The following IFNGR1 variants were observed in gnomAD, a reference collection of about 807,000 sequenced individuals.
IFNGR1 encodes the protein interferon gamma receptor 1, also known as AVP, type 2.
IFNGR1 carries 23 observed loss-of-function variants against 35.4 expected under a neutral mutation model. The observed-to-expected ratio is 0.65, with a 90% CI of 0.47 to 0.92. The LOEUF (loss-of-function observed/expected upper bound fraction) is 0.92, where lower values mean the gene tolerates loss of function less well. IFNGR1 is among the 40% of genes least tolerant of loss of function. The pLI, the probability that IFNGR1 is intolerant of heterozygous loss-of-function variation, is 0.00. For missense variants in IFNGR1, 533 were observed against 583.4 expected, an observed-to-expected ratio of 0.91 and a Z score of 0.89; for synonymous variants, 199 against 209.5, an observed-to-expected ratio of 0.95 and a Z score of 0.43.
At position 137,217,526 on chromosome 6, in the gene IFNGR1, T is replaced by A. The variant is rs190154215; in HGVS notation, c.85+1717A>T. Among the ~76,000 whole-genome samples the A allele has an allele frequency of 3.9e-5, 6 of 152,258 alleles. No individual in the cohort carries two copies. The East Asian group carries it at 1.2e-3, about 29-fold the overall frequency. On this transcript the variant is annotated intron_variant, in intron 1 of 6. Transcript: ENST00000367739. Reference sequence around the variant, plus strand: ...GCCTTTCCCTGGCATTTTGTTAGAATGGAGGAGGCTGCAAGATGTCAAAAC... The same window carrying A: ...GCCTTTCCCTGGCATTTTGTTAGAAAGGAGGAGGCTGCAAGATGTCAAAAC...
rs770076728 is a variant in IFNGR1, at chr6:137,206,285, T to C, written c.224A>G (p.Asp75Gly). The C allele has an allele frequency of 6.2e-7, 1 of 1,607,430 alleles. No homozygotes were observed. Among genetic ancestry groups the C allele is most frequent in the Non-Finnish European group, 8.5e-7 (1 of 1,173,870 alleles). Residue 75 changes from aspartate (D) to glycine (G), a missense_variant, in exon 3 of 7, where the codon GAT becomes GGT. Asp to Gly is a moderately conservative substitution (Grantham distance 94, BLOSUM62 -1). Transcript: ENST00000367739. ...ATGATGAGAAATATTGATGCAGGCA[T>C]CAATCCATTCTGAATTCTTAACACT... ...NYGVKNSEWI[D>G]ACINISHHYC...
intron 5 of IFNGR1, 128 bp from the exon 6 acceptor site, chr6:137,201,136 T>C: frequency 1.0e-6 from 1 of 977,198 alleles, no homozygotes; most frequent in South Asian, 1.4e-5. Context: ...TAAAGAACAC[T>C]GAAGGAAGCA....
At chr6:137,199,510 TTATA>T (rs1779204903) in intron 6 of IFNGR1, among the ~76,000 whole-genome samples, 3 of 4,474 alleles carry the variant, frequency 6.7e-4, no homozygotes, top group African/African-American at 2.4e-3. Context: ...AATATATAAT[TTATA>T]ATATATTATA....
At chr6:137,216,222 G>T (rs1779693959) in intron 1 of IFNGR1, among the ~76,000 whole-genome samples, 1 of 152,180 alleles carries the variant, frequency 6.6e-6, no homozygotes, top group South Asian at 2.1e-4. Context: ...CAGATAATTA[G>T]TAGGAAGCAT....
rs1465451243 is a variant in IFNGR1, at chr6:137,201,017, A to G, written c.734-9T>C. ...TGGAATCCAAAGAGAACCTTAAAAA[A>G]GGCAGAAATCACAAGTTACAATTAA... On this transcript the variant is annotated splice_polypyrimidine_tract_variant and intron_variant, in intron 5 of 6. Transcript: ENST00000367739. 6.2e-7 allele frequency: 1 copy of G among 1,613,016 alleles called. No individual in the cohort carries two copies.
intron 1 of IFNGR1, chr6:137,218,484 C>T (rs1380345764): frequency 1.4e-5 from 18 of 1,289,224 alleles, no homozygotes; most frequent in Non-Finnish European, 1.8e-5. Context: ...GGCAATCCAC[C>T]ACTTCCAGAC....
chr6:137,210,903 T>C (rs1477542681), intron 1 of IFNGR1, among the ~76,000 whole-genome samples: 4 of 152,222 alleles, frequency 2.6e-5, no homozygotes, highest in East Asian at 1.9e-4. Flanking sequence ...ATTTAACACA[T>C]ATATTTTCAA....
intron 4 of IFNGR1, among the ~76,000 whole-genome samples, chr6:137,203,993 G>A (rs750131901): frequency 3.9e-5 from 6 of 152,116 alleles, no homozygotes; most frequent in Non-Finnish European, 7.4e-5. Context: ...TAGCTGGTGG[G>A]AAACAGAAGT....
rs1457948350 is a variant in IFNGR1, at chr6:137,206,123, A to T, written c.373+13T>A. ...TCCAATTTAAAATTTACATGTGTAC[A>T]CATTCTACTCACCATCTCGGCATAC... On this transcript the variant is annotated intron_variant, in intron 3 of 6. Transcript: ENST00000367739. 6.2e-7 allele frequency: 1 copy of T among 1,607,094 alleles called. No homozygotes were observed. The highest frequency in any genetic ancestry group is 1.7e-5 in the Admixed American group (1 of 59,994).
At chr6:137,214,199 C>T (rs1779638510) in intron 1 of IFNGR1, among the ~76,000 whole-genome samples, 1 of 152,190 alleles carries the variant, frequency 6.6e-6, no homozygotes, top group Non-Finnish European at 1.5e-5. Flanking sequence ...GGAATGGGGA[C>T]TGTCACAAAG....
intron 3 of IFNGR1, among the ~76,000 whole-genome samples, chr6:137,205,088 A>T (rs1779399061): frequency 6.6e-6 from 1 of 152,218 alleles, no homozygotes; most frequent in Non-Finnish European, 1.5e-5. Flanking sequence ...AGGGCCCAGT[A>T]TACTTTCCGG....
chr6:137,203,371 T>G, intron 5 of IFNGR1, 128 bp downstream of exon 5: 1 of 686,740 alleles, frequency 1.5e-6, no homozygotes, highest in Non-Finnish European at 2.7e-6. Context: ...CTCTAAGGAA[T>G]GGAACTAATG....
At chr6:137,216,806 G>A (rs1057236617) in intron 1 of IFNGR1, among the ~76,000 whole-genome samples, 3 of 152,200 alleles carry the variant, frequency 2.0e-5, no homozygotes, top group African/African-American at 7.2e-5. Flanking sequence ...CTAATGAAAA[G>A]CAAGGCCGGG....
chr6:137,203,271 T>C (rs1414582480), intron 5 of IFNGR1, among the ~76,000 whole-genome samples: 9 of 152,228 alleles, frequency 5.9e-5, no homozygotes, highest in Admixed American at 5.2e-4. Flanking sequence ...TTTTCTTTCC[T>C]GGGTCAAGGG....
chr6:137,215,521 C>A, intron 1 of IFNGR1: 1 of 479,414 alleles, frequency 2.1e-6, no homozygotes, highest in Non-Finnish European at 3.6e-6. Flanking sequence ...CAAGTAAATT[C>A]CTTTCTGTTA....
Position 137,197,598 on chromosome 6 carries a change from C to T in IFNGR1, c.*433G>A, listed in dbSNP as rs184597371. 3.1e-4 allele frequency: 48 copies of T among 154,960 alleles called. No homozygotes were observed. Among genetic ancestry groups the T allele is most frequent in the Admixed American group, 2.7e-3 (43 of 15,724 alleles). The allele number at this position is 154,960 out of a possible 1,614,324, so 9.6% of individuals were successfully genotyped here. A position where few individuals can be genotyped will look rare whatever the true frequency, so the allele number is the denominator to read the frequency against. ...ATTAGTTTGAATTAGATTTTAAGTC[C>T]AATTTTGAAAAGCTTGCAGAATTTC... On this transcript the variant is annotated 3_prime_UTR_variant, in exon 7 of 7. Coordinates refer to ENST00000367739, the MANE Select transcript of IFNGR1 (RefSeq NM_000416.3).
At chr6:137,208,713 A>G (rs1175764147) in intron 1 of IFNGR1, among the ~76,000 whole-genome samples, 1 of 152,236 alleles carries the variant, frequency 6.6e-6, no homozygotes, top group Non-Finnish European at 1.5e-5. Context: ...ATGCCCAGGC[A>G]AAAGTTTGCT....
At position 137,208,650 on chromosome 6, in the gene IFNGR1, T is replaced by C. The variant is rs1041301731; in HGVS notation, c.86-1573A>G. 1.2e-4 allele frequency among the ~76,000 whole-genome samples: 19 copies of C among 152,314 alleles called. No individual in the cohort carries two copies. In the South Asian group the frequency reaches 1.7e-3, roughly 13 times the overall value. On this transcript the variant is annotated intron_variant, in intron 1 of 6. Coordinates refer to ENST00000367739, the MANE Select transcript of IFNGR1 (RefSeq NM_000416.3). Reference sequence around the variant, plus strand: ...CCTATGGGTGTGCAGAAGTCAAGAATTGAGATTTGGGAACCTCTGCTTAGA... The same window carrying C: ...CCTATGGGTGTGCAGAAGTCAAGAACTGAGATTTGGGAACCTCTGCTTAGA...
chr6:137,199,085 A>C (rs1779174108), intron 6 of IFNGR1, among the ~76,000 whole-genome samples: 1 of 151,686 alleles, frequency 6.6e-6, no homozygotes, highest in South Asian at 2.1e-4. Context: ...GTGAAAAGAG[A>C]GACTGGCCTA....
Sources: allele counts gnomAD v4.1 joint callset (sites outside exome capture counted in the v4.1 genomes callset), GRCh38; gene constraint gnomAD v4.1.1; transcripts MANE v1.5; gene names NCBI Gene and HGNC (gene_info 2026-07-23, HGNC 2026-07-21).